DLG2: variants seen among roughly 807,000 people sequenced by gnomAD.
The protein encoded by DLG2 is discs large MAGUK scaffold protein 2.
In DLG2, 45 loss-of-function variants were observed where a neutral mutation model predicts 132.5. That is an observed-to-expected ratio of 0.34 (90% CI 0.27 to 0.44). The LOEUF is 0.44. Ranked by LOEUF, DLG2 falls within the 20% of genes least tolerant of loss-of-function variation. The pLI, the probability that DLG2 is intolerant of heterozygous loss-of-function variation, is 1.00. For synonymous variants in DLG2, 424 were observed against 419.6 expected (o/e 1.01, Z -0.13); for missense variants, 1,045 against 1,196.9 (o/e 0.87, Z 1.87).
chr11:83,896,636 A>C (rs974183033), intron 15 of DLG2, among the ~76,000 whole-genome samples: 5 of 152,188 alleles, frequency 3.3e-5, no homozygotes, highest in Admixed American at 6.6e-5. Flanking sequence ...AGGTTAATCA[A>C]GAAAATGCAA....
At chr11:85,177,373 A>T (rs2079365120) in intron 4 of DLG2, among the ~76,000 whole-genome samples, 1 of 152,036 alleles carries the variant, frequency 6.6e-6, no homozygotes, top group Non-Finnish European at 1.5e-5. Context: ...CTTTGCAGGG[A>T]CATGGGTAGA....
intron 6 of DLG2, among the ~76,000 whole-genome samples, chr11:84,806,554 G>T (rs375838315): frequency 6.6e-6 from 1 of 152,084 alleles, no homozygotes. Context: ...TGAAAGAAAA[G>T]AACTGTCAAC....
intron 9 of DLG2, among the ~76,000 whole-genome samples, chr11:84,106,857 GTGTGTA>G (rs2092964856): frequency 3.1e-5 from 3 of 98,354 alleles, no homozygotes; most frequent in African/African-American, 7.2e-5. Flanking sequence ...GTGAGTGTGT[GTGTGTA>G]TGTGTGAGAG....
At chr11:85,035,440 G>A (rs1249205405) in intron 6 of DLG2, among the ~76,000 whole-genome samples, 3 of 152,152 alleles carry the variant, frequency 2.0e-5, no homozygotes, top group East Asian at 3.9e-4. Flanking sequence ...CATGGCAGAA[G>A]GTGAAGGGAA....
intron 7 of DLG2, among the ~76,000 whole-genome samples, chr11:84,532,457 G>A (rs1188293055): frequency 6.6e-6 from 1 of 152,096 alleles, no homozygotes; most frequent in Non-Finnish European, 1.5e-5. Flanking sequence ...AGGAGGAAAG[G>A]TTGGGAAGGG....
intron 6 of DLG2, among the ~76,000 whole-genome samples, chr11:84,797,166 T>C (rs2074748333): frequency 6.6e-6 from 1 of 152,152 alleles, no homozygotes; most frequent in Non-Finnish European, 1.5e-5. Flanking sequence ...TTATTTATCC[T>C]TGACTTTTGG....
At chr11:85,468,372 C>T (rs1446577720) in intron 3 of DLG2, among the ~76,000 whole-genome samples, 7 of 152,110 alleles carry the variant, frequency 4.6e-5, no homozygotes, top group African/African-American at 1.2e-4. Flanking sequence ...TGTGTTTGCT[C>T]TTGCTTCTCT....
intron 6 of DLG2, among the ~76,000 whole-genome samples, chr11:85,070,658 G>T (rs1337539618): frequency 5.3e-5 from 8 of 151,646 alleles, no homozygotes; most frequent in Non-Finnish European, 1.2e-4. Context: ...TTGAACCCAG[G>T]TCTATTTTAC....
At chr11:85,131,707 T>C (rs1011494096) in intron 5 of DLG2, among the ~76,000 whole-genome samples, 5 of 152,192 alleles carry the variant, frequency 3.3e-5, no homozygotes, top group Non-Finnish European at 5.9e-5. Context: ...ATATCCATTA[T>C]GATTTTCTGG....
rs180848377 is a variant in DLG2, at chr11:85,459,395, T to C, written c.40+139262A>G. Among the ~76,000 whole-genome samples, 952 of 152,134 alleles carry C rather than the reference T, an allele frequency of 6.3e-3. 9 individuals carry two copies. Among genetic ancestry groups the C allele is most frequent in the South Asian group, 0.013 (63 of 4,824 alleles). On this transcript the variant is annotated intron_variant, in intron 3 of 27. Coordinates refer to ENST00000376104, the MANE Select transcript of DLG2 (RefSeq NM_001142699.3). Reference sequence around the variant, plus strand: ...ATGGTGACTGTGGTGTATTGGAAGCTCAGGTGAAGCCCTCAGGCTCTTGGT... The same window carrying C: ...ATGGTGACTGTGGTGTATTGGAAGCCCAGGTGAAGCCCTCAGGCTCTTGGT...
At chr11:84,970,257 C>T (rs1340675356) in intron 6 of DLG2, among the ~76,000 whole-genome samples, 2 of 152,056 alleles carry the variant, frequency 1.3e-5, no homozygotes, top group Non-Finnish European at 2.9e-5. Flanking sequence ...ACAATCTCAC[C>T]AGTTTATCTT....
Position 85,213,463 on chromosome 11 carries a change from T to G in DLG2, c.187-58812A>C, listed in dbSNP as rs72945981. Among the ~76,000 whole-genome samples the G allele has an allele frequency of 9.6e-3, 1,465 of 152,244 alleles. 8 individuals carry two copies. Among genetic ancestry groups the G allele is most frequent in the Non-Finnish European group, 0.014 (983 of 68,010 alleles). On this transcript the variant is annotated intron_variant, in intron 4 of 27. Coordinates refer to ENST00000376104, the MANE Select transcript of DLG2 (RefSeq NM_001142699.3). ...ATTCAAAGATTTTCTCACTGGCACT[T>G]AGCTAAAAGAGTTATTATCTAAAGA... is the stretch of plus-strand genomic sequence containing the variant.
At chr11:85,355,048 T>C (rs969745284) in intron 3 of DLG2, among the ~76,000 whole-genome samples, 2 of 152,216 alleles carry the variant, frequency 1.3e-5, no homozygotes, top group Non-Finnish European at 2.9e-5. Context: ...TTTGACAATA[T>C]ATTTTCTATT....
At chr11:83,603,806 C>A (rs1268270736) in intron 19 of DLG2, among the ~76,000 whole-genome samples, 1 of 152,062 alleles carries the variant, frequency 6.6e-6, no homozygotes, top group Non-Finnish European at 1.5e-5. Context: ...AAGTCCTTAC[C>A]CATTTTCTAT....
chr11:85,577,836 A>G (rs974760252), intron 3 of DLG2, among the ~76,000 whole-genome samples: 2 of 152,324 alleles, frequency 1.3e-5, no homozygotes, highest in African/African-American at 2.4e-5. Context: ...TATACATTCA[A>G]TGGTATTCCT....
chr11:84,192,648 T>C (rs2096434675), intron 8 of DLG2, among the ~76,000 whole-genome samples: 1 of 152,066 alleles, frequency 6.6e-6, no homozygotes, highest in Admixed American at 6.6e-5. Context: ...AAGAATCTCT[T>C]GAACCCAGGA....
chr11:85,123,224 G>A (rs1211761114), intron 5 of DLG2, among the ~76,000 whole-genome samples: 3 of 151,442 alleles, frequency 2.0e-5, no homozygotes, highest in Non-Finnish European at 2.9e-5. Flanking sequence ...TGATCCGCCC[G>A]CCTCGGCCTC....
At chr11:85,109,750 C>T (rs1481815646) in intron 6 of DLG2, among the ~76,000 whole-genome samples, 1 of 152,014 alleles carries the variant, frequency 6.6e-6, no homozygotes, top group Non-Finnish European at 1.5e-5. Context: ...CAGCAATTGG[C>T]ATAGTACTAG....
intron 6 of DLG2, among the ~76,000 whole-genome samples, chr11:84,941,012 C>T (rs1056068424): frequency 1.3e-5 from 2 of 152,064 alleles, no homozygotes; most frequent in Admixed American, 6.5e-5. Flanking sequence ...GTTCTTGGTG[C>T]CTTTGTCAAG....
Sources: allele counts gnomAD v4.1 joint callset (sites outside exome capture counted in the v4.1 genomes callset), GRCh38; gene constraint gnomAD v4.1.1; transcripts MANE v1.5; gene names NCBI Gene and HGNC (gene_info 2026-07-23, HGNC 2026-07-21).